The following TENM4 variants were observed in gnomAD, a reference collection of about 807,000 sequenced individuals.
TENM4 encodes teneurin-4.
A neutral mutation model predicts 243.3 loss-of-function variants in TENM4; 82 were observed. The ratio of observed to expected loss-of-function variants is 0.34; its 90% CI spans 0.28 to 0.40. TENM4 has a LOEUF of 0.40. TENM4 is among the 10% of genes least tolerant of loss of function. The probability of loss-of-function intolerance (pLI) is 1.00; values close to 1 mark genes in which losing one functional copy is unlikely to be tolerated. For synonymous variants in TENM4, 1,412 were observed against 1,456.3 expected, an observed-to-expected ratio of 0.97 and a Z score of 0.69; for missense variants, 3,138 against 3,673.3, an observed-to-expected ratio of 0.85 and a Z score of 3.77.
At chr11:79,166,115 C>G (rs1020103168) in intron 3 of TENM4, among the ~76,000 whole-genome samples, 3 of 152,200 alleles carry the variant, frequency 2.0e-5, no homozygotes, top group African/African-American at 7.2e-5. Context: ...GTCTCAGCCA[C>G]TAATCATCAC....
chr11:78,865,092 T>C (rs933959998), intron 9 of TENM4, among the ~76,000 whole-genome samples: 3 of 152,156 alleles, frequency 2.0e-5, no homozygotes, highest in African/African-American at 7.2e-5. Context: ...CAGAGGTGCA[T>C]ATTAAGGCTC....
intron 1 of TENM4, among the ~76,000 whole-genome samples, chr11:79,307,745 C>A (rs1056782539): frequency 6.6e-6 from 1 of 152,206 alleles, no homozygotes; most frequent in Non-Finnish European, 1.5e-5. Context: ...GTCTCAGCTG[C>A]CTTCTCTGCA....
At chr11:79,015,192 ATAG>A (rs1858740707) in intron 6 of TENM4, among the ~76,000 whole-genome samples, 3 of 152,238 alleles carry the variant, frequency 2.0e-5, no homozygotes, top group Non-Finnish European at 2.9e-5. Flanking sequence ...CACAACAACC[ATAG>A]AAGGTGGGCA....
At chr11:79,102,911 CT>C (rs1861270959) in intron 4 of TENM4, among the ~76,000 whole-genome samples, 1 of 152,058 alleles carries the variant, frequency 6.6e-6, no homozygotes, top group African/African-American at 2.4e-5. Flanking sequence ...CCGCCTGTGG[CT>C]TGTGGCTACC....
At chr11:78,833,015 C>A (rs559451249) in intron 12 of TENM4, among the ~76,000 whole-genome samples, 1 of 152,172 alleles carries the variant, frequency 6.6e-6, no homozygotes, top group Non-Finnish European at 1.5e-5. Context: ...TCCAAATGCA[C>A]GGTGCTAAGT....
intron 24 of TENM4, among the ~76,000 whole-genome samples, chr11:78,721,968 C>T (rs1326804072): frequency 1.8e-4 from 28 of 152,238 alleles, no homozygotes; most frequent in Admixed American, 1.8e-3. Flanking sequence ...AGGTCCTTCC[C>T]GGAGCTCTAA....
rs183119252 is a variant in TENM4, at chr11:79,334,451, C to T, written c.-320-36908G>A. On this transcript the variant is annotated intron_variant, in intron 1 of 33. Coordinates refer to ENST00000278550, the MANE Select transcript of TENM4 (RefSeq NM_001098816.3). ...TCTGCAGGCTCCCCTCCCTGACCCA[C>T]CATTTCTCTATTCCCTGAGCACTTT... Among the ~76,000 whole-genome samples, 11 of 152,320 alleles carry T rather than the reference C, an allele frequency of 7.2e-5. No homozygotes were observed. The East Asian group carries it at 2.1e-3, about 29-fold the overall frequency.
chr11:79,194,502 G>A (rs1251401183), intron 3 of TENM4, among the ~76,000 whole-genome samples: 2 of 152,118 alleles, frequency 1.3e-5, no homozygotes, highest in African/African-American at 4.8e-5. Flanking sequence ...CCAGGCTGAG[G>A]TGGTCTCCAG....
chr11:78,881,248 C>T (rs993069778), intron 9 of TENM4, among the ~76,000 whole-genome samples: 2 of 152,088 alleles, frequency 1.3e-5, no homozygotes, highest in Non-Finnish European at 2.9e-5. Context: ...GATGTCATCC[C>T]GCTGCCTTCC....
intron 29 of TENM4, among the ~76,000 whole-genome samples, chr11:78,676,767 C>CT (rs1858488033): frequency 2.0e-5 from 3 of 152,224 alleles, no homozygotes; most frequent in South Asian, 2.1e-4. Flanking sequence ...TATGAAAATA[C>CT]TTTAAGTTAT....
At chr11:79,430,817 T>C (rs901597546) in intron 1 of TENM4, among the ~76,000 whole-genome samples, 2 of 152,166 alleles carry the variant, frequency 1.3e-5, no homozygotes, top group African/African-American at 4.8e-5. Flanking sequence ...TGCTGCTCAG[T>C]CAGAATCACC....
At chr11:78,947,497 GCCT>G (rs1356908204) in intron 6 of TENM4, among the ~76,000 whole-genome samples, 1 of 152,188 alleles carries the variant, frequency 6.6e-6, no homozygotes, top group Non-Finnish European at 1.5e-5. Context: ...CCCAAACACT[GCCT>G]CCTCAGAAAA....
chr11:78,861,906 C>T (rs1360552103), intron 10 of TENM4, among the ~76,000 whole-genome samples: 1 of 152,222 alleles, frequency 6.6e-6, no homozygotes, highest in Non-Finnish European at 1.5e-5. Flanking sequence ...GAACGCCACA[C>T]TGCCCAGAAT....
At chr11:79,145,651 T>C (rs76366429) in intron 4 of TENM4, among the ~76,000 whole-genome samples, 33 of 152,248 alleles carry the variant, frequency 2.2e-4, no homozygotes, top group African/African-American at 7.9e-4. Context: ...CAGGGGTATA[T>C]TCCAAGGAGT....
At position 78,672,290 on chromosome 11, in the gene TENM4, C is replaced by T. The variant is rs567221953; in HGVS notation, c.5536G>A (p.Val1846Ile). 2.4e-4 allele frequency: 390 copies of T among 1,613,168 alleles called. 3 individuals are homozygous for T. In the South Asian group the frequency reaches 3.7e-3, roughly 15 times the overall value. ...TCATAGATCTTCTCTGTGCGTGTTA[C>T]GCGATCAAAGTCCAGAGATAGGAGA... ...RNLLSLDFDR[V>I]TRTEKIYDDH... The change falls in exon 31 of 34, where the codon GTA (valine) becomes ATA (isoleucine). Residue 1846 changes from valine to isoleucine, a missense_variant. By Grantham distance (29) the Val-to-Ile change is conservative. Transcript: ENST00000278550.
chr11:78,953,436 GA>G, intron 6 of TENM4, among the ~76,000 whole-genome samples: 1 of 152,280 alleles, frequency 6.6e-6, no homozygotes, highest in South Asian at 2.1e-4. Flanking sequence ...TTGGGGTCCA[GA>G]AAGGGAATAA....
intron 6 of TENM4, among the ~76,000 whole-genome samples, chr11:78,970,604 A>ACAAAGCAGTCCAAGATCGTGGG (rs1220059018): frequency 6.6e-6 from 1 of 152,224 alleles, no homozygotes; most frequent in Non-Finnish European, 1.5e-5. Flanking sequence ...GTGCAGGTCA[A>ACAAAGCAGTCCAAGATCGTGGG]CAAAGCAGTC....
chr11:79,411,221 C>T (rs529939338), intron 1 of TENM4, among the ~76,000 whole-genome samples: 1 of 152,290 alleles, frequency 6.6e-6, no homozygotes, highest in South Asian at 2.1e-4. Flanking sequence ...TCATTAGGCT[C>T]CCTAGAAATC....
chr11:78,944,276 AC>A (rs1429035509), intron 6 of TENM4, among the ~76,000 whole-genome samples: 1 of 152,060 alleles, frequency 6.6e-6, no homozygotes, highest in Admixed American at 6.5e-5. Flanking sequence ...GAAAAAAAAA[AC>A]AAAGAACCTG....
Sources: allele counts gnomAD v4.1 joint callset (sites outside exome capture counted in the v4.1 genomes callset), GRCh38; gene constraint gnomAD v4.1.1; transcripts MANE v1.5; gene names NCBI Gene and HGNC (gene_info 2026-07-23, HGNC 2026-07-21).